The following FBXL17 variants were observed in gnomAD, a reference collection of about 807,000 sequenced individuals.
The protein encoded by FBXL17 is F-box/LRR-repeat protein 17.
A neutral mutation model predicts 66.2 loss-of-function variants in FBXL17; 22 were observed. The observed-to-expected ratio is 0.33, with a 90% confidence interval of 0.24 to 0.47. The LOEUF is 0.47. Ranked by LOEUF, FBXL17 falls within the 20% of genes least tolerant of loss-of-function variation. FBXL17 has a pLI of 1.00. For synonymous variants in FBXL17, 474 were observed against 400.5 expected (o/e 1.18, Z -2.19); for missense variants, 878 against 948.2 (o/e 0.93, Z 0.97).
intron 7 of FBXL17, among the ~76,000 whole-genome samples, chr5:107,957,849 A>G (rs1264471916): frequency 1.3e-5 from 2 of 152,208 alleles, no homozygotes; most frequent in Non-Finnish European, 2.9e-5. Context: ...AAAATGCTGA[A>G]AAATGAATCT....
intron 6 of FBXL17, among the ~76,000 whole-genome samples, chr5:108,111,051 T>TTTCTACAG (rs758869070): frequency 7.6e-4 from 115 of 152,298 alleles, no homozygotes; most frequent in Non-Finnish European, 1.5e-3. Context: ...CCCTTTCCTT[T>TTTCTACAG]TTCTACAGTT....
At chr5:108,353,501 G>A (rs753795399) in intron 3 of FBXL17, among the ~76,000 whole-genome samples, 4 of 152,188 alleles carry the variant, frequency 2.6e-5, no homozygotes, top group Non-Finnish European at 5.9e-5. Flanking sequence ...ATACTGGAGA[G>A]AAATCACCTC....
Position 108,381,508 on chromosome 5 carries a change from A to G in FBXL17, c.184T>C (p.Cys62Arg). Residue 62 changes from cysteine (C) to arginine (R), a missense_variant, in exon 1 of 9, where the codon TGC becomes CGC. By Grantham distance (180) the Cys-to-Arg change is radical. Coordinates refer to ENST00000542267, the MANE Select transcript of FBXL17 (RefSeq NM_001163315.3). ...DCFFRGPCML[C>R]FIVHSPGAPA... The stretch of plus-strand genomic sequence containing the variant: ...GCGCCGGGACTGTGCACGATGAAGC[A>G]GAGCATGCAGGGCCCGCGGAAGAAG... 1 of 1,398,924 alleles carries G rather than the reference A, an allele frequency of 7.1e-7. No individual in the cohort carries two copies. Among genetic ancestry groups the G allele is most frequent in the Non-Finnish European group, 9.2e-7 (1 of 1,086,850 alleles). 86.7% of individuals were successfully genotyped at this position (1,398,924 alleles called of 1,614,324 possible).
chr5:108,013,592 T>C (rs1182447734), intron 7 of FBXL17, among the ~76,000 whole-genome samples: 6 of 152,266 alleles, frequency 3.9e-5, no homozygotes, highest in African/African-American at 1.4e-4. Context: ...GGCAGAAAAT[T>C]TTACATGGTT....
chr5:108,184,747 CAAAAAAAA>C (rs34512714), intron 6 of FBXL17, among the ~76,000 whole-genome samples: 1 of 82,612 alleles, frequency 1.2e-5, no homozygotes, highest in African/African-American at 5.0e-5. Context: ...GACTCGGTCT[CAAAAAAAA>C]AAAAAAAAAA....
At chr5:107,882,354 T>A (rs1445752423) in intron 7 of FBXL17, among the ~76,000 whole-genome samples, 1 of 130,640 alleles carries the variant, frequency 7.7e-6, no homozygotes, top group African/African-American at 3.0e-5. Context: ...ATTACCTCAG[T>A]ATTTTTTTTT....
intron 6 of FBXL17, among the ~76,000 whole-genome samples, chr5:108,164,704 C>T (rs1190158783): frequency 6.6e-6 from 1 of 152,140 alleles, no homozygotes; most frequent in East Asian, 1.9e-4. Context: ...TTAAATCACA[C>T]AATAAGTTTA....
chr5:108,042,930 T>C (rs1266640600), intron 6 of FBXL17, among the ~76,000 whole-genome samples: 9 of 152,194 alleles, frequency 5.9e-5, no homozygotes, highest in Non-Finnish European at 1.3e-4. Context: ...ACCATTCTGA[T>C]TGTAGTAAAA....
At chr5:108,224,581 TG>T (rs1755017762) in intron 4 of FBXL17, among the ~76,000 whole-genome samples, 1 of 151,620 alleles carries the variant, frequency 6.6e-6, no homozygotes, top group Non-Finnish European at 1.5e-5. Context: ...ATGGTTGGTT[TG>T]TTTTGGGGTT....
intron 6 of FBXL17, among the ~76,000 whole-genome samples, chr5:108,033,335 G>A (rs1746712922): frequency 6.6e-6 from 1 of 152,064 alleles, no homozygotes; most frequent in African/African-American, 2.4e-5. Context: ...ATGAATGTTT[G>A]TTAATGGTTA....
chr5:108,186,316 T>C (rs1753229544), intron 5 of FBXL17, 69 bp from the exon 6 acceptor site: 1 of 1,350,658 alleles, frequency 7.4e-7, no homozygotes, highest in Non-Finnish European at 1.0e-6. Flanking sequence ...CTTACAAATG[T>C]AGTTTATTAC....
intron 4 of FBXL17, 81 bp downstream of exon 4, chr5:108,348,318 A>C (rs1051803921): frequency 1.5e-6 from 2 of 1,306,262 alleles, no homozygotes; most frequent in African/African-American, 3.0e-5. Context: ...GAAAATAAGC[A>C]GAAAAAATTA....
intron 1 of FBXL17, among the ~76,000 whole-genome samples, chr5:108,371,778 A>G (rs750836080): frequency 6.6e-6 from 1 of 152,240 alleles, no homozygotes. Context: ...TACAGTAATG[A>G]CATTTTAAAA....
intron 6 of FBXL17, among the ~76,000 whole-genome samples, chr5:108,146,431 G>T (rs917908003): frequency 6.6e-5 from 10 of 152,010 alleles, no homozygotes; most frequent in African/African-American, 9.7e-5. Flanking sequence ...ACTAACAGGG[G>T]TTTCACACTC....
At chr5:108,116,174 C>T (rs972225690) in intron 6 of FBXL17, among the ~76,000 whole-genome samples, 2 of 152,014 alleles carry the variant, frequency 1.3e-5, no homozygotes, top group South Asian at 2.1e-4. Context: ...TAATAAGGAG[C>T]ATAGTAAGGG....
intron 6 of FBXL17, among the ~76,000 whole-genome samples, chr5:108,087,458 G>A (rs1243553408): frequency 1.3e-5 from 2 of 151,998 alleles, no homozygotes; most frequent in African/African-American, 4.8e-5. Context: ...CACTCCAACA[G>A]GGAATATATG....
rs1184380474 is a variant in FBXL17 at position 108,233,173 on chromosome 5, T to C, written c.1507-8945A>G. ...TAAACACCCTTATCAGATATTTGTTTCACAATTGTTTTTTTTGCACTCTGT... is the reference window on the plus strand; with the variant it reads ...TAAACACCCTTATCAGATATTTGTTCCACAATTGTTTTTTTTGCACTCTGT... On this transcript the variant is annotated intron_variant, in intron 4 of 8. Transcript: ENST00000542267. Among the ~76,000 whole-genome samples, 6 of 148,738 alleles carry C rather than the reference T, an allele frequency of 4.0e-5. No homozygotes were observed. The Admixed American group carries it at 4.1e-4, about 10-fold the overall frequency.
chr5:108,324,832 A>G (rs562203455), intron 4 of FBXL17, among the ~76,000 whole-genome samples: 14 of 152,246 alleles, frequency 9.2e-5, no homozygotes, highest in Non-Finnish European at 2.1e-4. Flanking sequence ...ACATGCTACA[A>G]CATAGATGAA....
At chr5:108,262,087 T>A (rs1298773439) in intron 4 of FBXL17, among the ~76,000 whole-genome samples, 1 of 143,954 alleles carries the variant, frequency 6.9e-6, no homozygotes, top group Non-Finnish European at 1.5e-5. Context: ...TATTTATTTA[T>A]TTTTTTTGAG....
Sources: gnomAD v4.1 joint callset for allele counts (sites outside exome capture counted in the v4.1 genomes callset) on GRCh38, gnomAD v4.1.1 for gene constraint, MANE v1.5 for transcripts, NCBI Gene and HGNC (gene_info 2026-07-23, HGNC 2026-07-21) for gene names.